Variants in APBB2 observed in about 807,000 individuals in gnomAD.
The protein encoded by APBB2 is Fe65-like 1.
In APBB2, 38 loss-of-function variants were observed where a neutral mutation model predicts 82.5. That is an observed-to-expected ratio of 0.46 (90% CI 0.36 to 0.60). The LOEUF (loss-of-function observed/expected upper bound fraction) is 0.60, where lower values mean the gene tolerates loss of function less well. APBB2 is among the 20% of genes least tolerant of loss of function. The pLI is 0.00. For missense variants in APBB2, 772 were observed against 972.3 expected, an observed-to-expected ratio of 0.79 and a Z score of 2.74; for synonymous variants, 341 against 368.2, an observed-to-expected ratio of 0.93 and a Z score of 0.85.
chr4:41,132,625 G>A (rs1316884987), intron 2 of APBB2, among the ~76,000 whole-genome samples: 1 of 152,158 alleles, frequency 6.6e-6, no homozygotes, highest in African/African-American at 2.4e-5. Flanking sequence ...ACACACTTCA[G>A]CAAGATTGAA....
chr4:40,902,257 G>A (rs1313586661), intron 10 of APBB2, among the ~76,000 whole-genome samples: 1 of 152,186 alleles, frequency 6.6e-6, no homozygotes, highest in Non-Finnish European at 1.5e-5. Flanking sequence ...AGTGCTCACC[G>A]TCAAGACATC....
intron 2 of APBB2, among the ~76,000 whole-genome samples, chr4:41,106,477 T>C (rs1448835122): frequency 2.6e-5 from 4 of 151,894 alleles, no homozygotes; most frequent in Non-Finnish European, 2.9e-5. Context: ...TTTTGTTTCT[T>C]TGTTTGTTTG....
chr4:41,187,687 C>T (rs1053033249), intron 1 of APBB2, among the ~76,000 whole-genome samples: 7 of 152,212 alleles, frequency 4.6e-5, no homozygotes, highest in African/African-American at 1.7e-4. Flanking sequence ...CATACACATT[C>T]ATAAACTGTT....
At chr4:41,021,220 T>G (rs1341258957) in intron 5 of APBB2, among the ~76,000 whole-genome samples, 1 of 152,188 alleles carries the variant, frequency 6.6e-6, no homozygotes, top group Non-Finnish European at 1.5e-5. Context: ...TTCACTGGCC[T>G]AAAGAGTTCC....
At chr4:40,909,232 G>A (rs4861329) in intron 10 of APBB2, among the ~76,000 whole-genome samples, 18,639 of 152,240 alleles carry the variant, frequency 0.12, 1,383 homozygotes, top group Non-Finnish European at 0.17. Context: ...TCATCAGCAC[G>A]TTATGAACAA....
intron 1 of APBB2, among the ~76,000 whole-genome samples, chr4:41,195,246 A>G: frequency 1.3e-5 from 2 of 152,194 alleles, no homozygotes; most frequent in East Asian, 1.9e-4. Context: ...AAACACCTCA[A>G]ATGATGGTAT....
intron 5 of APBB2, among the ~76,000 whole-genome samples, chr4:41,024,476 C>A (rs11947051): frequency 0.046 from 6,971 of 152,026 alleles, 340 homozygotes; most frequent in African/African-American, 0.13. Flanking sequence ...AATTGAAGAA[C>A]GAAAGAAAAA....
At chr4:40,911,120 G>A (rs1044832070) in intron 10 of APBB2, among the ~76,000 whole-genome samples, 5 of 152,204 alleles carry the variant, frequency 3.3e-5, no homozygotes, top group Non-Finnish European at 7.3e-5. Flanking sequence ...TGAACAACAT[G>A]GATTATTTGG....
At chr4:41,122,754 A>G (rs1460280754) in intron 2 of APBB2, among the ~76,000 whole-genome samples, 1 of 152,204 alleles carries the variant, frequency 6.6e-6, no homozygotes, top group Non-Finnish European at 1.5e-5. Context: ...GATTTTTTTA[A>G]AAAACATTAC....
rs1744944426 is a variant in APBB2, at chr4:40,813,826, C to A, written c.*2266G>T. On this transcript the variant is annotated 3_prime_UTR_variant, in exon 18 of 18. Coordinates refer to ENST00000508593, the MANE Select transcript of APBB2 (RefSeq NM_004307.2). The stretch of plus-strand genomic sequence containing the variant: ...ACACTAAAATGTTTCACTACAGCGA[C>A]CGAGATGAAAGATCACTGTAAATGA... The A allele has an allele frequency of 1.3e-5, 2 of 152,104 alleles. No individual in the cohort carries two copies. The highest frequency in any genetic ancestry group is 2.9e-5 in the Non-Finnish European group (2 of 68,034). 9.4% of individuals were successfully genotyped at this position (152,104 alleles called of 1,614,324 possible). A position where few individuals can be genotyped will look rare whatever the true frequency, so the allele number is the denominator to read the frequency against.
intron 3 of APBB2, among the ~76,000 whole-genome samples, 174 bp downstream of exon 3, chr4:41,100,463 GTT>G (rs34128168): frequency 4.1e-5 from 6 of 147,820 alleles, no homozygotes; most frequent in East Asian, 2.0e-4. Context: ...TCTCTTGCAA[GTT>G]TTTTTTTTTT....
Position 40,850,583 on chromosome 4 carries a change from T to C in APBB2, c.1530-20006A>G, listed in dbSNP as rs373507487. Among the ~76,000 whole-genome samples, 15 of 152,326 alleles carry C rather than the reference T, an allele frequency of 9.8e-5. No individual in the cohort carries two copies. In the East Asian group the frequency reaches 2.1e-3, roughly 22 times the overall value. ...GATCCCCCCAAATCTCAGACTGTTT[T>C]GTGAATGAAGAGTATTGGACCACGG... On this transcript the variant is annotated intron_variant, in intron 12 of 17. Transcript: ENST00000508593.
intron 10 of APBB2, among the ~76,000 whole-genome samples, chr4:40,918,113 T>C (rs1780291948): frequency 6.6e-6 from 1 of 152,230 alleles, no homozygotes; most frequent in Non-Finnish European, 1.5e-5. Flanking sequence ...ATATTATGAA[T>C]ATTTTCACTT....
Position 40,861,858 on chromosome 4 carries a change from T to C in APBB2, c.1529+28506A>G, listed in dbSNP as rs1376452796. Reference sequence around the variant, plus strand: ...ATAAAAATGTTACTCAGGATTATGATACACTTTAAAAAGCCAGACATGCTT... The same window carrying C: ...ATAAAAATGTTACTCAGGATTATGACACACTTTAAAAAGCCAGACATGCTT... On this transcript the variant is annotated intron_variant, in intron 12 of 17. Coordinates refer to ENST00000508593, the MANE Select transcript of APBB2 (RefSeq NM_004307.2). 3.9e-5 allele frequency among the ~76,000 whole-genome samples: 6 copies of C among 152,228 alleles called. No individual in the cohort carries two copies. The East Asian group carries it at 7.7e-4, about 20-fold the overall frequency.
chr4:41,009,153 C>G (rs1807612740), intron 6 of APBB2, among the ~76,000 whole-genome samples: 1 of 151,994 alleles, frequency 6.6e-6, no homozygotes, highest in Non-Finnish European at 1.5e-5. Context: ...AGACTATATA[C>G]AGTGTGACCA....
At chr4:40,843,889 G>A (rs959259826) in intron 12 of APBB2, among the ~76,000 whole-genome samples, 4 of 152,206 alleles carry the variant, frequency 2.6e-5, no homozygotes, top group African/African-American at 9.6e-5. Flanking sequence ...ACAGTAGGCT[G>A]CAGGACTCGA....
intron 2 of APBB2, among the ~76,000 whole-genome samples, chr4:41,123,000 C>A (rs1753320700): frequency 6.6e-6 from 1 of 152,156 alleles, no homozygotes; most frequent in Admixed American, 6.5e-5. Flanking sequence ...ACCTGGAATG[C>A]CACCTCCTGA....
rs140722371 is a variant in APBB2 at position 40,836,525 on chromosome 4, C to A, written c.1530-5948G>T. Among the ~76,000 whole-genome samples the A allele has an allele frequency of 3.2e-3, 488 of 152,260 alleles. 3 individuals are homozygous for A. Among genetic ancestry groups the A allele is most frequent in the African/African-American group, 0.011 (447 of 41,550 alleles). On this transcript the variant is annotated intron_variant, in intron 12 of 17. Transcript: ENST00000508593. ...AAACAAAAAACATGTCAAACCAAGG[C>A]CTGGCGACTGGGGAAGAAAGACATT...
At chr4:40,824,748 C>T (rs1339215551) in intron 15 of APBB2, among the ~76,000 whole-genome samples, 1 of 152,096 alleles carries the variant, frequency 6.6e-6, no homozygotes. Flanking sequence ...GCCTTGGCTT[C>T]CCAAAGTGCT....
Sources: allele counts gnomAD v4.1 joint callset (sites outside exome capture counted in the v4.1 genomes callset), GRCh38; gene constraint gnomAD v4.1.1; transcripts MANE v1.5; gene names NCBI Gene and HGNC (gene_info 2026-07-23, HGNC 2026-07-21).